The following SMYD3 variants were observed in gnomAD, a reference collection of about 807,000 sequenced individuals.
SMYD3 encodes the protein SET and MYND domain containing 3.
A neutral mutation model predicts 57.7 loss-of-function variants in SMYD3; 36 were observed. The observed-to-expected ratio is 0.62, with a 90% CI of 0.48 to 0.82. The LOEUF is 0.82. SMYD3 is among the 40% of genes least tolerant of loss of function. The pLI, the probability that SMYD3 is intolerant of heterozygous loss-of-function variation, is 0.00. For missense variants in SMYD3, 515 were observed against 538.8 expected, an observed-to-expected ratio of 0.96 and a Z score of 0.44; for synonymous variants, 211 against 195.0, an observed-to-expected ratio of 1.08 and a Z score of -0.68.
chr1:245,865,408 C>T (rs76593194), intron 8 of SMYD3, among the ~76,000 whole-genome samples: 3,127 of 152,212 alleles, frequency 0.021, 52 homozygotes, highest in Non-Finnish European at 0.034. Context: ...TATTCTTCTT[C>T]CCCCCAGGTC....
chr1:246,346,233 G>T (rs1458505356), intron 2 of SMYD3, among the ~76,000 whole-genome samples: 1 of 151,992 alleles, frequency 6.6e-6, no homozygotes, highest in Admixed American at 6.5e-5. Flanking sequence ...GCAGTGAGCC[G>T]AGACGTTCTA....
intron 5 of SMYD3, among the ~76,000 whole-genome samples, chr1:246,310,920 G>A (rs1229222492): frequency 2.0e-5 from 3 of 151,838 alleles, no homozygotes; most frequent in Non-Finnish European, 2.9e-5. Context: ...CACCCACCTC[G>A]GCCTCCCAAA....
At chr1:246,117,917 G>C (rs2061366855) in intron 5 of SMYD3, among the ~76,000 whole-genome samples, 1 of 152,066 alleles carries the variant, frequency 6.6e-6, no homozygotes, top group African/African-American at 2.4e-5. Flanking sequence ...CTTTCTGCTA[G>C]GAACTTAAGA....
At chr1:246,171,744 C>T (rs1572151081) in intron 5 of SMYD3, among the ~76,000 whole-genome samples, 1 of 152,206 alleles carries the variant, frequency 6.6e-6, no homozygotes, top group African/African-American at 2.4e-5. Context: ...GGCATGGTGG[C>T]TCATGCCTAT....
intron 5 of SMYD3, among the ~76,000 whole-genome samples, chr1:246,185,339 C>T (rs2062615886): frequency 6.6e-6 from 1 of 151,614 alleles, no homozygotes; most frequent in Non-Finnish European, 1.5e-5. Flanking sequence ...CGGGTTCAAG[C>T]GATTCTCCTG....
At chr1:246,314,447 C>CTCA (rs1239845057) in intron 5 of SMYD3, among the ~76,000 whole-genome samples, 290 of 152,218 alleles carry the variant, frequency 1.9e-3, no homozygotes, top group Admixed American at 3.0e-3. Flanking sequence ...TACAAAGGCA[C>CTCA]GATACCCATA....
intron 1 of SMYD3, among the ~76,000 whole-genome samples, chr1:246,461,942 G>C (rs918474149): frequency 2.0e-5 from 3 of 152,054 alleles, no homozygotes; most frequent in Non-Finnish European, 4.4e-5. Flanking sequence ...TCACAGTTTA[G>C]AAAAGGAACA....
At chr1:246,174,809 G>A (rs1420164199) in intron 5 of SMYD3, among the ~76,000 whole-genome samples, 2 of 152,130 alleles carry the variant, frequency 1.3e-5, no homozygotes, top group Non-Finnish European at 1.5e-5. Context: ...CTAATTATTA[G>A]TTATAATATA....
At chr1:246,290,183 A>C (rs2064660823) in intron 5 of SMYD3, among the ~76,000 whole-genome samples, 1 of 152,174 alleles carries the variant, frequency 6.6e-6, no homozygotes, top group South Asian at 2.1e-4. Context: ...TCCAGCAAAA[A>C]CTGGAGAAAA....
At chr1:245,934,315 T>A (rs561012692) in intron 5 of SMYD3, among the ~76,000 whole-genome samples, 45 of 152,298 alleles carry the variant, frequency 3.0e-4, no homozygotes, top group African/African-American at 1.1e-3. Flanking sequence ...CATAACTGCC[T>A]CTGCCCCCCG....
intron 5 of SMYD3, among the ~76,000 whole-genome samples, chr1:246,259,511 CTTTGG>C (rs2063960874): frequency 6.6e-6 from 1 of 151,842 alleles, no homozygotes; most frequent in Admixed American, 6.6e-5. Flanking sequence ...TTTGCTCTGC[CTTTGG>C]TTTTGTTTCT....
At chr1:245,807,451 A>T (rs116630781) in intron 10 of SMYD3, among the ~76,000 whole-genome samples, 1 of 152,344 alleles carries the variant, frequency 6.6e-6, no homozygotes, top group African/African-American at 2.4e-5. Flanking sequence ...TTCCGGTCCA[A>T]TGTTGACACC....
chr1:245,916,159 A>G (rs1370823894), intron 7 of SMYD3, among the ~76,000 whole-genome samples: 1 of 151,636 alleles, frequency 6.6e-6, no homozygotes, highest in Non-Finnish European at 1.5e-5. Context: ...CTAGGTTTGG[A>G]AAAAAAAGGG....
At chr1:246,489,339 G>A (rs963812804) in intron 1 of SMYD3, among the ~76,000 whole-genome samples, 6 of 151,998 alleles carry the variant, frequency 3.9e-5, no homozygotes, top group South Asian at 2.1e-4. Context: ...GCGACAGAGC[G>A]AGACTCCATC....
At chr1:245,926,566 G>A (rs975412876) in intron 7 of SMYD3, among the ~76,000 whole-genome samples, 2 of 152,108 alleles carry the variant, frequency 1.3e-5, no homozygotes, top group Non-Finnish European at 2.9e-5. Context: ...AGAAAGATGT[G>A]AAAAAGTGAA....
intron 8 of SMYD3, among the ~76,000 whole-genome samples, chr1:245,867,993 T>TA (rs1322381167): frequency 6.6e-6 from 1 of 152,212 alleles, no homozygotes; most frequent in Non-Finnish European, 1.5e-5. Context: ...GAGCTGAATA[T>TA]AGGTCTTATT....
intron 5 of SMYD3, among the ~76,000 whole-genome samples, chr1:246,216,060 G>T (rs908471972): frequency 2.4e-4 from 37 of 152,016 alleles, no homozygotes; most frequent in African/African-American, 9.0e-4. Flanking sequence ...GAGGCCAACA[G>T]GGGCAGGTCA....
At chr1:246,153,855 G>A (rs1016727790) in intron 5 of SMYD3, among the ~76,000 whole-genome samples, 1 of 152,014 alleles carries the variant, frequency 6.6e-6, no homozygotes, top group Non-Finnish European at 1.5e-5. Flanking sequence ...TAGCCAGGTT[G>A]CTAGAAAAAA....
chr1:246,467,153 G>A (rs900462945), intron 1 of SMYD3, among the ~76,000 whole-genome samples: 3 of 152,072 alleles, frequency 2.0e-5, no homozygotes, highest in African/African-American at 7.2e-5. Context: ...CTTGGCGACA[G>A]AGTGAGACTC....
Sources: allele counts gnomAD v4.1 joint callset (sites outside exome capture counted in the v4.1 genomes callset), GRCh38; gene constraint gnomAD v4.1.1; transcripts MANE v1.5; gene names NCBI Gene and HGNC (gene_info 2026-07-23, HGNC 2026-07-21).